CDKL1: variants seen among roughly 807,000 people sequenced by gnomAD.
CDKL1 encodes the protein cyclin-dependent kinase-like 1.
CDKL1 carries 41 observed loss-of-function variants against 42.0 expected under a neutral mutation model. The observed-to-expected ratio is 0.98, with a 90% confidence interval of 0.76 to 1.27. The LOEUF (loss-of-function observed/expected upper bound fraction) is 1.27, where lower values mean the gene tolerates loss of function less well. CDKL1 is among the 50% of genes most tolerant of loss of function. The pLI is 0.00. For synonymous variants in CDKL1, 153 were observed against 158.6 expected, an observed-to-expected ratio of 0.96 and a Z score of 0.26; for missense variants, 394 against 428.4, an observed-to-expected ratio of 0.92 and a Z score of 0.71.
chr14:50,336,216 A>C (rs1240509865), intron 7 of CDKL1: 2 of 1,335,222 alleles, frequency 1.5e-6, no homozygotes, highest in Non-Finnish European at 2.0e-6. Flanking sequence ...TGACAGGCAG[A>C]GGGACTGGGG....
At position 50,395,939 on chromosome 14, in the gene CDKL1, C is replaced by T. The variant is rs911861829; in HGVS notation, c.-71G>A. On this transcript the variant is annotated 5_prime_UTR_variant, in exon 2 of 10. It adds an upstream start codon to the 5' untranslated region. Transcript: ENST00000395834. ...GTGGCTCACGCCTGTAATCCCAGCA[C>T]TTTGGGAGGCTGAGGCGGGCAGATC... The T allele has an allele frequency of 1.4e-6, 2 of 1,418,702 alleles. No homozygotes were observed. Among genetic ancestry groups the T allele is most frequent in the African/African-American group, 1.4e-5 (1 of 71,008 alleles). 87.9% of individuals were successfully genotyped at this position (1,418,702 alleles called of 1,614,324 possible).
chr14:50,336,240 C>G, intron 7 of CDKL1: 1 of 1,295,404 alleles, frequency 7.7e-7, no homozygotes, highest in Non-Finnish European at 1.0e-6. Flanking sequence ...AGATGTTCAA[C>G]CAGTGCAGCC....
At chr14:50,331,054 G>A (rs1425066321) in intron 9 of CDKL1, 1 of 152,186 alleles carries the variant, frequency 6.6e-6, no homozygotes, top group South Asian at 2.1e-4. Flanking sequence ...CCAACATGGC[G>A]AAACCCTGTC....
chr14:50,342,391 G>A (rs571448451), intron 4 of CDKL1, 169 bp from the exon 5 acceptor site: 1 of 1,376,544 alleles, frequency 7.3e-7, no homozygotes, highest in Admixed American at 3.0e-5. Flanking sequence ...ATGCCTGTCA[G>A]AGCCTGAATC....
At chr14:50,343,155 CTTTTTTT>C (rs3049935) in intron 4 of CDKL1, 22 of 293,982 alleles carry the variant, frequency 7.5e-5, no homozygotes, top group Non-Finnish European at 8.7e-5. Flanking sequence ...TTAAGAGTTA[CTTTTTTT>C]TTTTTTTTTT....
At chr14:50,397,002 C>G (rs541282659), upstream of CDKL1, 604 of 1,106,596 alleles carry the variant, frequency 5.5e-4, 5 homozygotes, top group South Asian at 8.4e-3. Context: ...GCCGCCCTCC[C>G]GGCTGCAGGG....
At chr14:50,332,629 G>C in intron 8 of CDKL1, 197 bp from the exon 9 acceptor site, 3 of 1,514,842 alleles carry the variant, frequency 2.0e-6, no homozygotes, top group South Asian at 2.4e-5. Flanking sequence ...ATAGTTTCTA[G>C]AAGTAGTAAT....
At chr14:50,372,767 C>T (rs983076933) in intron 2 of CDKL1, among the ~76,000 whole-genome samples, 14 of 152,158 alleles carry the variant, frequency 9.2e-5, no homozygotes, top group Non-Finnish European at 4.4e-5. Context: ...GTTTTCCCAA[C>T]ATCTTTTATT....
intron 3 of CDKL1, among the ~76,000 whole-genome samples, chr14:50,356,748 C>G (rs2034069666): frequency 6.6e-6 from 1 of 152,156 alleles, no homozygotes; most frequent in African/African-American, 2.4e-5. Flanking sequence ...TTATATTTGG[C>G]AAATCATAGC....
rs369462444 is a variant in CDKL1 at position 50,377,603 on chromosome 14, C to G, written c.168+18098G>C. ...TTCTGGAACTGGATCAATCATGGAGCAGATGGCAACAAGGACCCCACTGCT... is the reference window on the plus strand; with the variant it reads ...TTCTGGAACTGGATCAATCATGGAGGAGATGGCAACAAGGACCCCACTGCT... On this transcript the variant is annotated intron_variant, in intron 2 of 9. Coordinates refer to ENST00000395834, the MANE Select transcript of CDKL1 (RefSeq NM_004196.7). 2,007 of 1,357,788 alleles carry G rather than the reference C, an allele frequency of 1.5e-3. 4 individuals are homozygous for G. The highest frequency in any genetic ancestry group is 1.8e-3 in the Non-Finnish European group (1,853 of 1,017,634). The allele number at this position is 1,357,788 out of a possible 1,614,324, so 84.1% of individuals were successfully genotyped here. A position where few individuals can be genotyped will look rare whatever the true frequency, so the allele number is the denominator to read the frequency against.
At chr14:50,357,448 T>C (rs1418797402) in intron 3 of CDKL1, among the ~76,000 whole-genome samples, 6 of 152,126 alleles carry the variant, frequency 3.9e-5, no homozygotes, top group Admixed American at 2.0e-4. Context: ...TGGGACACCA[T>C]TCTGTGGCTC....
chr14:50,377,837 A>C, intron 2 of CDKL1: 1 of 764,692 alleles, frequency 1.3e-6, no homozygotes. Flanking sequence ...AAAGAAAATG[A>C]CAGGGTCAGG....
Position 50,326,438 on chromosome 14 carries a change from A to G in CDKL1, c.*3636T>C, listed in dbSNP as rs2032706069. ...CATAAATGCACAATTATGAAAAATT[A>G]GAAGCTAAATTACAGATTCATTGAT... On this transcript the variant is annotated 3_prime_UTR_variant, in exon 10 of 10. Coordinates refer to ENST00000395834, the MANE Select transcript of CDKL1 (RefSeq NM_004196.7). 2.0e-6 allele frequency: 2 copies of G among 983,692 alleles called. No homozygotes were observed. The highest frequency in any genetic ancestry group is 2.4e-6 in the Non-Finnish European group (2 of 828,366). 60.9% of individuals were successfully genotyped at this position (983,692 alleles called of 1,614,324 possible).
Position 50,329,931 on chromosome 14 carries a change from T to C in CDKL1, c.*143A>G, listed in dbSNP as rs1294157986. The C allele has an allele frequency of 8.3e-6, 8 of 964,240 alleles. No homozygotes were observed. The highest frequency in any genetic ancestry group is 1.0e-5 in the Non-Finnish European group (7 of 680,790). 59.7% of individuals were successfully genotyped at this position (964,240 alleles called of 1,614,324 possible). A position where few individuals can be genotyped will look rare whatever the true frequency, so the allele number is the denominator to read the frequency against. ...GGATCTGGAATTTCCCTTCATATCT[T>C]GCCAGTTGGCCTCCCAGTTTCTTGC... On this transcript the variant is annotated 3_prime_UTR_variant, in exon 10 of 10. Coordinates refer to ENST00000395834, the MANE Select transcript of CDKL1 (RefSeq NM_004196.7).
At chr14:50,360,805 TG>T (rs2034220487) in intron 2 of CDKL1, among the ~76,000 whole-genome samples, 2 of 151,642 alleles carry the variant, frequency 1.3e-5, no homozygotes, top group Non-Finnish European at 2.9e-5. Flanking sequence ...TGTGTGTGTG[TG>T]TGTGTGTGTG....
upstream of CDKL1, chr14:50,397,096 A>T: frequency 7.4e-7 from 1 of 1,358,090 alleles, no homozygotes; most frequent in Non-Finnish European, 9.8e-7. Flanking sequence ...CAGACCTGCT[A>T]GATTTGCAAA....
chr14:50,347,404 T>C (rs576507575), intron 3 of CDKL1, among the ~76,000 whole-genome samples: 2 of 152,248 alleles, frequency 1.3e-5, no homozygotes, highest in Admixed American at 6.5e-5. Flanking sequence ...TCACCTTATA[T>C]AGGATGGCCC....
chr14:50,335,962 AG>A, intron 7 of CDKL1: 1 of 1,364,502 alleles, frequency 7.3e-7, no homozygotes, highest in Non-Finnish European at 9.8e-7. Flanking sequence ...AGCCCTTGAC[AG>A]TAGCCCCTGT....
At chr14:50,371,529 G>A (rs993513985) in intron 2 of CDKL1, among the ~76,000 whole-genome samples, 1 of 152,208 alleles carries the variant, frequency 6.6e-6, no homozygotes. Flanking sequence ...GTCCTCTTTT[G>A]AGAGATGTCC....
Sources: allele counts gnomAD v4.1 joint callset (sites outside exome capture counted in the v4.1 genomes callset), GRCh38; gene constraint gnomAD v4.1.1; transcripts MANE v1.5; gene names NCBI Gene and HGNC (gene_info 2026-07-23, HGNC 2026-07-21).